The following SLC9B1 variants were observed in gnomAD, a reference collection of about 807,000 sequenced individuals.
SLC9B1 encodes the protein solute carrier family 9 member B1, also known as sodium/hydrogen exchanger 9B1.
Under a neutral mutation model 51.7 loss-of-function variants are expected in SLC9B1, and 32 were observed. That is an observed-to-expected ratio of 0.62 (90% CI 0.47 to 0.83). The LOEUF (loss-of-function observed/expected upper bound fraction) is 0.83. Ranked by LOEUF, SLC9B1 falls within the 40% of genes least tolerant of loss-of-function variation. The pLI is 0.00. For synonymous variants in SLC9B1, 145 were observed against 212.7 expected, an observed-to-expected ratio of 0.68 and a Z score of 2.77; for missense variants, 406 against 613.2, an observed-to-expected ratio of 0.66 and a Z score of 3.57.
At chr4:102,912,063 G>A in intron 7 of SLC9B1, 1 of 206,124 alleles carries the variant, frequency 4.9e-6, no homozygotes, top group Admixed American at 5.1e-5. Context: ...AACCCGGGAG[G>A]CAGAGTTTGC....
At chr4:102,908,789 A>G (rs1206836197) in intron 9 of SLC9B1, among the ~76,000 whole-genome samples, 1 of 152,036 alleles carries the variant, frequency 6.6e-6, no homozygotes, top group Non-Finnish European at 1.5e-5. Context: ...AGTTGAAGAT[A>G]AGCAAAAATT....
At chr4:102,890,669 C>A (rs1256582423) in intron 11 of SLC9B1, 1 of 151,690 alleles carries the variant, frequency 6.6e-6, no homozygotes, top group Non-Finnish European at 1.5e-5. Flanking sequence ...GGTGAGATCT[C>A]ATCTCTACAG....
Position 102,916,054 on chromosome 4 carries a change from A to G in SLC9B1, c.830-4517T>C, listed in dbSNP as rs1415677416. On this transcript the variant is annotated intron_variant, in intron 7 of 11. Transcript: ENST00000296422. The stretch of plus-strand genomic sequence containing the variant: ...GGAAAAAAATAGCTGCAAGACATAC[A>G]TAAAACAATAAACAAAATGACAATA... Among the ~76,000 whole-genome samples the G allele has an allele frequency of 2.0e-5, 3 of 152,334 alleles. No homozygotes were observed. The East Asian group carries it at 5.8e-4, about 29-fold the overall frequency.
chr4:102,910,939 T>C (rs1161947039), intron 8 of SLC9B1, among the ~76,000 whole-genome samples: 2 of 152,236 alleles, frequency 1.3e-5, no homozygotes, highest in Non-Finnish European at 2.9e-5. Flanking sequence ...TTGGTCAATA[T>C]GTTACAGCTA....
At chr4:102,923,544 T>C (rs1735994039) in intron 7 of SLC9B1, among the ~76,000 whole-genome samples, 1 of 152,186 alleles carries the variant, frequency 6.6e-6, no homozygotes, top group South Asian at 2.1e-4. Flanking sequence ...TTCAACATAG[T>C]CTTGGAAGTT....
At chr4:102,904,007 T>G (rs2110424186) in intron 11 of SLC9B1, among the ~76,000 whole-genome samples, 1 of 151,808 alleles carries the variant, frequency 6.6e-6, no homozygotes, top group Middle Eastern at 3.4e-3. Flanking sequence ...ATGGAGTGAG[T>G]GGCAAGGTAG....
At chr4:102,907,382 G>A (rs1203042739) in intron 9 of SLC9B1, among the ~76,000 whole-genome samples, 2 of 152,342 alleles carry the variant, frequency 1.3e-5, no homozygotes, top group East Asian at 3.9e-4. Context: ...TCCCATTAAA[G>A]TGAATCCTGA....
At chr4:102,997,124 A>G (rs939482962) in intron 1 of SLC9B1, among the ~76,000 whole-genome samples, 6 of 152,080 alleles carry the variant, frequency 3.9e-5, no homozygotes, top group Non-Finnish European at 7.4e-5. Context: ...GTTGGTGTAC[A>G]TTCTCCACTT....
chr4:102,937,498 G>T (rs1327719355), intron 6 of SLC9B1, among the ~76,000 whole-genome samples: 1 of 149,994 alleles, frequency 6.7e-6, no homozygotes, highest in Non-Finnish European at 1.5e-5. Context: ...AGGCTGAGGG[G>T]GGTGGATCAC....
chr4:102,911,551 C>G lies in SLC9B1; in HGVS notation c.830-14G>C, dbSNP rs1464682471. 1 of 1,517,982 alleles carries G rather than the reference C, an allele frequency of 6.6e-7. No homozygotes were observed. The highest frequency in any genetic ancestry group is 2.3e-5 in the East Asian group (1 of 44,128). The allele number at this position is 1,517,982 out of a possible 1,614,324, so 94.0% of individuals were successfully genotyped here. On this transcript the variant is annotated splice_polypyrimidine_tract_variant and intron_variant, in intron 7 of 11. Transcript: ENST00000296422. Reference sequence around the variant, plus strand: ...TAAGTATACCACCTGTAGGGGCACACAATAAAAAAAAATTCACAAAGAAGT... The same window carrying G: ...TAAGTATACCACCTGTAGGGGCACAGAATAAAAAAAAATTCACAAAGAAGT...
chr4:103,011,655 A>C (rs969661039), intron 1 of SLC9B1, among the ~76,000 whole-genome samples: 9 of 152,168 alleles, frequency 5.9e-5, no homozygotes, highest in Admixed American at 5.2e-4. Flanking sequence ...GGAGATAGCC[A>C]TGACTACAGA....
At chr4:102,910,013 C>T (rs1735259463) in intron 9 of SLC9B1, among the ~76,000 whole-genome samples, 1 of 151,774 alleles carries the variant, frequency 6.6e-6, no homozygotes, top group Non-Finnish European at 1.5e-5. Context: ...TGGGGTTTCA[C>T]CATGTTGGCC....
intron 1 of SLC9B1, among the ~76,000 whole-genome samples, chr4:103,018,568 CAG>C (rs1385434078): frequency 2.0e-5 from 3 of 152,128 alleles, no homozygotes; most frequent in Non-Finnish European, 4.4e-5. Context: ...TAAGGAAAAT[CAG>C]AGAGTGGGGT....
At chr4:102,935,489 T>C (rs1339338065) in intron 6 of SLC9B1, among the ~76,000 whole-genome samples, 1 of 152,192 alleles carries the variant, frequency 6.6e-6, no homozygotes, top group Admixed American at 6.5e-5. Flanking sequence ...TAGACAAACT[T>C]ATATTTAAGT....
chr4:103,010,548 T>A (rs939242185), intron 1 of SLC9B1, among the ~76,000 whole-genome samples: 1 of 151,952 alleles, frequency 6.6e-6, no homozygotes, highest in Non-Finnish European at 1.5e-5. Flanking sequence ...AATTTATAAA[T>A]AACAAAAATT....
At chr4:102,937,291 C>T (rs543509731) in intron 6 of SLC9B1, among the ~76,000 whole-genome samples, 21 of 151,382 alleles carry the variant, frequency 1.4e-4, no homozygotes, top group Admixed American at 2.0e-4. Context: ...TTAGTAGAGA[C>T]GGGATTTCAC....
chr4:102,937,831 G>A (rs1397006469), intron 6 of SLC9B1, among the ~76,000 whole-genome samples: 2 of 151,900 alleles, frequency 1.3e-5, no homozygotes, highest in African/African-American at 4.8e-5. Flanking sequence ...AATGCTAAGG[G>A]AATCTGTTAC....
intron 1 of SLC9B1, among the ~76,000 whole-genome samples, chr4:103,014,645 GTAGA>G (rs1409651391): frequency 6.6e-6 from 1 of 152,092 alleles, no homozygotes; most frequent in Non-Finnish European, 1.5e-5. Context: ...ATAGTATATA[GTAGA>G]TAAATATTTT....
At chr4:103,013,556 G>A (rs1182696140) in intron 1 of SLC9B1, among the ~76,000 whole-genome samples, 1 of 152,082 alleles carries the variant, frequency 6.6e-6, no homozygotes, top group Non-Finnish European at 1.5e-5. Flanking sequence ...AATATGCTGA[G>A]GAATTTGAAC....
Sources: gnomAD v4.1 joint callset for allele counts (sites outside exome capture counted in the v4.1 genomes callset) on GRCh38, gnomAD v4.1.1 for gene constraint, MANE v1.5 for transcripts, NCBI Gene and HGNC (gene_info 2026-07-23, HGNC 2026-07-21) for gene names.